The following ZNF804A variants were observed in gnomAD, a reference collection of about 807,000 sequenced individuals.
ZNF804A encodes zinc finger protein 804A.
Under a neutral mutation model 16.5 loss-of-function variants are expected in ZNF804A, and 2 were observed. The observed-to-expected ratio is 0.12, with a 90% CI of 0.05 to 0.38. ZNF804A has a LOEUF of 0.38. Ranked by LOEUF, ZNF804A falls within the 10% of genes least tolerant of loss-of-function variation. The pLI is 0.99. For synonymous variants in ZNF804A, 534 were observed against 489.6 expected (o/e 1.09, Z -1.20); for missense variants, 1,473 against 1,390.7 (o/e 1.06, Z -0.94).
At chr2:184,663,625 G>C (rs1692213958) in intron 1 of ZNF804A, among the ~76,000 whole-genome samples, 1 of 152,142 alleles carries the variant, frequency 6.6e-6, no homozygotes, top group Admixed American at 6.5e-5. Context: ...ATGGGGGCCA[G>C]GCTGTCAGTT....
chr2:184,921,315 C>A (rs1292950585), intron 2 of ZNF804A, among the ~76,000 whole-genome samples: 21 of 152,010 alleles, frequency 1.4e-4, no homozygotes. Flanking sequence ...TGAATATTAT[C>A]AAAATATTAG....
At chr2:184,819,959 A>G (rs1415801850) in intron 1 of ZNF804A, among the ~76,000 whole-genome samples, 1 of 152,068 alleles carries the variant, frequency 6.6e-6, no homozygotes, top group Non-Finnish European at 1.5e-5. Flanking sequence ...CCATGACCAG[A>G]TGGATTTACA....
intron 2 of ZNF804A, among the ~76,000 whole-genome samples, chr2:184,877,981 A>T (rs532322388): frequency 1.3e-5 from 2 of 152,258 alleles, no homozygotes; most frequent in East Asian, 3.9e-4. Flanking sequence ...GGGGAGACGC[A>T]TTACAAAGAT....
rs1470343988 is a variant in ZNF804A, at chr2:184,893,695, C to T, written c.255+27183C>T. Among the ~76,000 whole-genome samples the T allele has an allele frequency of 6.6e-5, 10 of 152,138 alleles. No individual in the cohort carries two copies. In the East Asian group the frequency reaches 1.9e-3, roughly 29 times the overall value. ...TTAGAATTCTATGTGGAGTACACAA[C>T]ATTTGAAAGGGTTGAATTGTTGATC... On this transcript the variant is annotated intron_variant, in intron 2 of 3. Transcript: ENST00000302277.
At chr2:184,625,182 C>A (rs1041872977) in intron 1 of ZNF804A, among the ~76,000 whole-genome samples, 2 of 151,994 alleles carry the variant, frequency 1.3e-5, no homozygotes, top group Non-Finnish European at 2.9e-5. Context: ...GTGGGTTTTT[C>A]CCCTCTAGTA....
At chr2:184,909,370 G>A (rs925603642) in intron 2 of ZNF804A, among the ~76,000 whole-genome samples, 1 of 151,996 alleles carries the variant, frequency 6.6e-6, no homozygotes, top group Non-Finnish European at 1.5e-5. Flanking sequence ...CAACATAGAT[G>A]TATGATCCAT....
rs528275513 is a variant in ZNF804A at position 184,766,087 on chromosome 2, G to T, written c.112-100282G>T. On this transcript the variant is annotated intron_variant, in intron 1 of 3. Coordinates refer to ENST00000302277, the MANE Select transcript of ZNF804A (RefSeq NM_194250.2). Reference sequence around the variant, plus strand: ...GGTTATTAATTTTGCCCCACAACATGTATCGATGTACAATATATCAGTTAA... The same window carrying T: ...GGTTATTAATTTTGCCCCACAACATTTATCGATGTACAATATATCAGTTAA... 1.4e-4 allele frequency among the ~76,000 whole-genome samples: 22 copies of T among 152,198 alleles called. No individual in the cohort carries two copies. In the South Asian group the frequency reaches 4.6e-3, roughly 32 times the overall value.
intron 1 of ZNF804A, among the ~76,000 whole-genome samples, chr2:184,824,600 C>T (rs968781228): frequency 6.6e-6 from 1 of 152,132 alleles, no homozygotes; most frequent in African/African-American, 2.4e-5. Flanking sequence ...GTTCTTATTA[C>T]TATTTCTGCC....
At chr2:184,690,056 G>T (rs748598956) in intron 1 of ZNF804A, among the ~76,000 whole-genome samples, 1 of 151,860 alleles carries the variant, frequency 6.6e-6, no homozygotes, top group African/African-American at 2.4e-5. Context: ...ATTGAGAAAT[G>T]TGTGACTATT....
intron 1 of ZNF804A, among the ~76,000 whole-genome samples, chr2:184,726,037 T>C (rs978901517): frequency 2.0e-5 from 3 of 151,708 alleles, no homozygotes; most frequent in Admixed American, 6.6e-5. Flanking sequence ...TCACCCACTG[T>C]AGGGCATTTT....
intron 2 of ZNF804A, among the ~76,000 whole-genome samples, chr2:184,870,027 CA>C (rs2105812895): frequency 6.6e-6 from 1 of 151,948 alleles, no homozygotes; most frequent in African/African-American, 2.4e-5. Context: ...CTTTGTAACT[CA>C]AAAGATGTTC....
At chr2:184,794,557 A>T (rs1178227811) in intron 1 of ZNF804A, among the ~76,000 whole-genome samples, 1 of 151,990 alleles carries the variant, frequency 6.6e-6, no homozygotes, top group Non-Finnish European at 1.5e-5. Flanking sequence ...CTTAAATCTC[A>T]TAGTACCTAT....
chr2:184,937,063 G>A lies in ZNF804A; in HGVS notation c.1667G>A (p.Arg556Lys). 1 of 1,603,632 alleles carries A rather than the reference G, an allele frequency of 6.2e-7. No homozygotes were observed. The highest frequency in any genetic ancestry group is 2.2e-5 in the East Asian group (1 of 44,740). The change falls in exon 4 of 4, where the codon AGA becomes AAA. Residue 556 changes from arginine (R) to lysine (K), a missense_variant. Physicochemically the swap from Arg to Lys is conservative, Grantham distance 26. Transcript: ENST00000302277. ...TATAAAAACATTTCCTGTAAGATCA[G>A]AGAAACAGAAAAGTATAATTTTACT... ...QRYKNISCKIRETEKYNFTKS... is the reference protein window; with the variant it reads ...QRYKNISCKIKETEKYNFTKS...
chr2:184,788,791 A>G (rs1694488380), intron 1 of ZNF804A, among the ~76,000 whole-genome samples: 1 of 151,972 alleles, frequency 6.6e-6, no homozygotes, highest in South Asian at 2.1e-4. Flanking sequence ...AGATAATTTC[A>G]CATCCTATTT....
At chr2:184,604,918 T>A (rs1435543614) in intron 1 of ZNF804A, among the ~76,000 whole-genome samples, 2 of 152,184 alleles carry the variant, frequency 1.3e-5, no homozygotes, top group South Asian at 4.1e-4. Flanking sequence ...GAGTGATAAA[T>A]TTTTGCATTT....
chr2:184,913,908 G>C (rs1029526757), intron 2 of ZNF804A, among the ~76,000 whole-genome samples: 1 of 152,082 alleles, frequency 6.6e-6, no homozygotes, highest in Non-Finnish European at 1.5e-5. Context: ...TATCACCAAG[G>C]CTTGTTTCTT....
intron 1 of ZNF804A, among the ~76,000 whole-genome samples, chr2:184,685,189 G>A (rs1574161926): frequency 3.3e-5 from 5 of 152,224 alleles, no homozygotes; most frequent in Admixed American, 6.5e-5. Context: ...TGCTGGCTTC[G>A]TGTGAGGTTG....
chr2:184,704,135 C>T (rs568332878), intron 1 of ZNF804A, among the ~76,000 whole-genome samples: 1 of 149,114 alleles, frequency 6.7e-6, no homozygotes, highest in African/African-American at 2.4e-5. Context: ...AGAACACTTT[C>T]AGATTGAGTT....
At chr2:184,797,589 CT>C (rs1401562634) in intron 1 of ZNF804A, among the ~76,000 whole-genome samples, 1 of 152,072 alleles carries the variant, frequency 6.6e-6, no homozygotes, top group Non-Finnish European at 1.5e-5. Context: ...AGTTCTGCCT[CT>C]TTTAAGTGGA....
Sources: gnomAD v4.1 joint callset for allele counts (sites outside exome capture counted in the v4.1 genomes callset) on GRCh38, gnomAD v4.1.1 for gene constraint, MANE v1.5 for transcripts, NCBI Gene and HGNC (gene_info 2026-07-23, HGNC 2026-07-21) for gene names.